The following ERLEC1 variants were observed in gnomAD, a reference collection of about 807,000 sequenced individuals.
ERLEC1 encodes endoplasmic reticulum lectin 1.
ERLEC1 carries 47 observed loss-of-function variants against 68.0 expected under a neutral mutation model. The ratio of observed to expected loss-of-function variants is 0.69; its 90% CI spans 0.55 to 0.88. The LOEUF is 0.88. ERLEC1 is among the 40% of genes least tolerant of loss of function. The probability of loss-of-function intolerance (pLI) is 0.00; values close to 1 mark genes in which losing one functional copy is unlikely to be tolerated. For missense variants in ERLEC1, 567 were observed against 583.8 expected (o/e 0.97, Z 0.30); for synonymous variants, 225 against 203.2 (o/e 1.11, Z -0.91).
At chr2:53,799,017 A>G in intron 5 of ERLEC1, 30 bp from the exon 6 acceptor site, 2 of 1,608,236 alleles carry the variant, frequency 1.2e-6, no homozygotes, top group Non-Finnish European at 1.7e-6. Flanking sequence ...GTCACTGCTC[A>G]TTCTTTACAC....
intron 1 of ERLEC1, 173 bp downstream of exon 1, chr2:53,787,545 T>C (rs886302615): frequency 6.0e-6 from 4 of 666,512 alleles, no homozygotes; most frequent in African/African-American, 5.5e-5. Context: ...TCTCACGTTA[T>C]GTGGATGCGT....
At chr2:53,816,861 A>C (rs1676924039) in intron 13 of ERLEC1, among the ~76,000 whole-genome samples, 1 of 152,152 alleles carries the variant, frequency 6.6e-6, no homozygotes, top group African/African-American at 2.4e-5. Flanking sequence ...TTTGGACATT[A>C]TCTCCTCAAA....
chr2:53,803,834 A>G (rs1676132913), intron 8 of ERLEC1, among the ~76,000 whole-genome samples: 1 of 152,204 alleles, frequency 6.6e-6, no homozygotes, highest in Non-Finnish European at 1.5e-5. Flanking sequence ...AATGCTTTAA[A>G]AATATTTAGC....
chr2:53,798,399 C>T (rs1243620448), intron 5 of ERLEC1, among the ~76,000 whole-genome samples: 1 of 151,708 alleles, frequency 6.6e-6, no homozygotes, highest in African/African-American at 2.4e-5. Context: ...GTAGCTGGGA[C>T]CACAGGCACA....
chr2:53,801,175 C>A (rs961394521), intron 6 of ERLEC1, among the ~76,000 whole-genome samples: 1 of 152,096 alleles, frequency 6.6e-6, no homozygotes, highest in African/African-American at 2.4e-5. Flanking sequence ...ACTAAATAAT[C>A]TTTTTGCTGT....
chr2:53,798,750 G>T (rs776747574), intron 5 of ERLEC1, among the ~76,000 whole-genome samples: 1 of 151,604 alleles, frequency 6.6e-6, no homozygotes, highest in Non-Finnish European at 1.5e-5. Context: ...TCTATATTCA[G>T]ATTGGTCAGT....
chr2:53,795,881 T>C, intron 2 of ERLEC1, 52 bp from the exon 3 acceptor site: 1 of 1,225,676 alleles, frequency 8.2e-7, no homozygotes, highest in Non-Finnish European at 1.2e-6. Context: ...AACAGCAAAG[T>C]TGGGTGAAAT....
In ERLEC1 at chr2:53,787,070, A is replaced by G; in HGVS notation, c.-141A>G. On this transcript the variant is annotated 5_prime_UTR_variant, in exon 1 of 14. Coordinates refer to ENST00000185150, the MANE Select transcript of ERLEC1 (RefSeq NM_015701.5). ...GAGGCGGCGTTGCCGGGCTCTCCGG[A>G]AGGAGACGTGGCGGCGGTTGGGCCG... The G allele has an allele frequency of 2.5e-6, 3 of 1,196,938 alleles. No homozygotes were observed. Among genetic ancestry groups the G allele is most frequent in the Non-Finnish European group, 3.3e-6 (3 of 895,656 alleles). 74.1% of individuals were successfully genotyped at this position (1,196,938 alleles called of 1,614,324 possible). A position where few individuals can be genotyped will look rare whatever the true frequency, so the allele number is the denominator to read the frequency against.
In ERLEC1 at chr2:53,816,486, C is replaced by G. The variant is rs563217511; in HGVS notation, c.1381-1412C>G. Among the ~76,000 whole-genome samples the G allele has an allele frequency of 7.9e-5, 12 of 152,142 alleles. No homozygotes were observed. The South Asian group carries it at 2.1e-3, about 26-fold the overall frequency. ...GTTTCACCTTGTTGGCTAGCCTAGT[C>G]TCGAACTCCTGACCTCAAGTAATCT... On this transcript the variant is annotated intron_variant, in intron 13 of 13. Transcript: ENST00000185150.
chr2:53,801,347 C>T lies in ERLEC1; in HGVS notation c.526-50C>T, dbSNP rs1448974986. On this transcript the variant is annotated intron_variant, in intron 6 of 13. Coordinates refer to ENST00000185150, the MANE Select transcript of ERLEC1 (RefSeq NM_015701.5). Reference sequence around the variant, plus strand: ...AATAAGTTCCTCTCCCACCCCCAGTCCCATCTCCATGTCTAATGAAAAGTC... The same window carrying T: ...AATAAGTTCCTCTCCCACCCCCAGTTCCATCTCCATGTCTAATGAAAAGTC... The T allele has an allele frequency of 2.9e-6, 4 of 1,399,392 alleles. No individual in the cohort carries two copies. The Admixed American group carries it at 7.0e-5, about 24-fold the overall frequency. The allele number at this position is 1,399,392 out of a possible 1,614,324, so 86.7% of individuals were successfully genotyped here. A position where few individuals can be genotyped will look rare whatever the true frequency, so the allele number is the denominator to read the frequency against.
intron 1 of ERLEC1, chr2:53,787,609 T>C (rs1675124752): frequency 2.4e-6 from 1 of 412,698 alleles, no homozygotes; most frequent in African/African-American, 2.0e-5. Flanking sequence ...ACCTTTTCAA[T>C]TCTGTCGCAC....
chr2:53,788,838 TAC>T (rs199664245), intron 1 of ERLEC1: 1 of 152,188 alleles, frequency 6.6e-6, no homozygotes, highest in African/African-American at 2.4e-5. Context: ...AATACTTTAA[TAC>T]CTGTTGTTGT....
Position 53,801,782 on chromosome 2 carries a change from C to T in ERLEC1, c.819C>T (p.Thr273=). The change falls in exon 8 of 14, where the codon ACC becomes ACT. Residue 273 remains threonine (T), a synonymous_variant. Transcript: ENST00000185150. ...SLPGSPFKPL[T]LRQLEQQEEI... ...CAGGATCTCCATTTAAGCCCCTCAC[C>T]CTGAGGCAGCTGGAGCAGCAGGAAG... The T allele has an allele frequency of 6.2e-7, 1 of 1,613,864 alleles. No individual in the cohort carries two copies. The highest frequency in any genetic ancestry group is 1.6e-4 in the Middle Eastern group (1 of 6,062).
At position 53,787,176 on chromosome 2, in the gene ERLEC1, G is replaced by A. The variant is rs759979830; in HGVS notation, c.-35G>A. The A allele has an allele frequency of 6.3e-7, 1 of 1,575,440 alleles. No homozygotes were observed. The highest frequency in any genetic ancestry group is 1.7e-5 in the Admixed American group (1 of 58,802). ...CTCCTCTCCTCCTGGAGCAGAGGAG[G>A]TTGTGGCGGTGGCTGGAGAAAGCGG... On this transcript the variant is annotated 5_prime_UTR_variant, in exon 1 of 14. Transcript: ENST00000185150.
In ERLEC1 at chr2:53,803,929, G is replaced by C. The variant is rs189039234; in HGVS notation, c.879+2087G>C. 6.3e-4 allele frequency among the ~76,000 whole-genome samples: 96 copies of C among 152,310 alleles called. 1 individual carries two copies. The highest frequency in any genetic ancestry group is 1.0e-3 in the Non-Finnish European group (71 of 68,020). On this transcript the variant is annotated intron_variant, in intron 8 of 13. Coordinates refer to ENST00000185150, the MANE Select transcript of ERLEC1 (RefSeq NM_015701.5). The stretch of plus-strand genomic sequence containing the variant: ...AGATCACTTGAGGTCAGGAGTTCAA[G>C]ACCAGCCTGGCCAACCTGGCAAAAC...
chr2:53,808,265 A>T, intron 8 of ERLEC1, 34 bp from the exon 9 acceptor site: 1 of 1,575,490 alleles, frequency 6.3e-7, no homozygotes, highest in Non-Finnish European at 8.6e-7. Flanking sequence ...TAAGTTTGGC[A>T]TGGAAACCCT....
At chr2:53,794,479 T>C (rs186447085) in intron 2 of ERLEC1, 30 bp downstream of exon 2, 15 of 1,002,926 alleles carry the variant, frequency 1.5e-5, no homozygotes, top group Admixed American at 2.2e-5. Flanking sequence ...TTGATAATCC[T>C]GTCACCAAAA....
intron 5 of ERLEC1, among the ~76,000 whole-genome samples, chr2:53,798,775 A>G (rs974644651): frequency 6.6e-6 from 1 of 151,782 alleles, no homozygotes; most frequent in Non-Finnish European, 1.5e-5. Flanking sequence ...TTAATATTAA[A>G]TTTTTCACTG....
Position 53,801,828 on chromosome 2 carries a change from AGGAG to A in ERLEC1, c.866_869del (p.Arg289LysfsTer40), listed in dbSNP as rs1676022798. 1 of 1,613,522 alleles carries A rather than the reference AGGAG, an allele frequency of 6.2e-7. No individual in the cohort carries two copies. Among genetic ancestry groups the A allele is most frequent in the Non-Finnish European group, 8.5e-7 (1 of 1,179,732 alleles). ...GGAAGAAATACTAAGGGTGCCTTTT[AGGAG>A]AAATAAAGAGGTATGAGAATTGTCT... On this transcript the variant is annotated frameshift_variant, in exon 8 of 14. Coordinates refer to ENST00000185150, the MANE Select transcript of ERLEC1 (RefSeq NM_015701.5). LOFTEE classifies it high-confidence loss of function.
Sources: gnomAD v4.1 joint callset for allele counts (sites outside exome capture counted in the v4.1 genomes callset) on GRCh38, gnomAD v4.1.1 for gene constraint, MANE v1.5 for transcripts, NCBI Gene and HGNC (gene_info 2026-07-23, HGNC 2026-07-21) for gene names.